CFAP44: variants seen among roughly 807,000 people sequenced by gnomAD.
CFAP44 encodes the protein cilia and flagella associated protein 44, also known as cilia- and flagella-associated protein 44.
CFAP44 carries 134 observed loss-of-function variants against 216.2 expected under a neutral mutation model. The ratio of observed to expected loss-of-function variants is 0.62; its 90% CI spans 0.54 to 0.72. The LOEUF (loss-of-function observed/expected upper bound fraction) is 0.72. Ranked by LOEUF, CFAP44 falls within the 30% of genes least tolerant of loss-of-function variation. The pLI is 0.00. For synonymous variants in CFAP44, 700 were observed against 727.6 expected (o/e 0.96, Z 0.61); for missense variants, 2,035 against 2,182.1 (o/e 0.93, Z 1.34).
rs565036781 is a variant in CFAP44 at position 113,294,862 on chromosome 3, G to A, written c.5239-41C>T. 69 of 1,482,470 alleles carry A rather than the reference G, an allele frequency of 4.7e-5. No homozygotes were observed. The Middle Eastern group carries it at 1.4e-3, about 30-fold the overall frequency. 91.8% of individuals were successfully genotyped at this position (1,482,470 alleles called of 1,614,324 possible). A position where few individuals can be genotyped will look rare whatever the true frequency, so the allele number is the denominator to read the frequency against. ...GATGCAAAATAGATGTAGTGAATAC[G>A]AGAAGAAAGAAAGAAAAATGAGTGT... On this transcript the variant is annotated intron_variant, in intron 33 of 34. Coordinates refer to ENST00000393845, the MANE Select transcript of CFAP44 (RefSeq NM_001164496.2).
chr3:113,316,564 C>A (rs1444145285), intron 28 of CFAP44, among the ~76,000 whole-genome samples: 1 of 152,020 alleles, frequency 6.6e-6, no homozygotes, highest in African/African-American at 2.4e-5. Context: ...AAAAAAGACA[C>A]AAGTTACCAA....
At position 113,327,790 on chromosome 3, in the gene CFAP44, T is replaced by G. The variant is rs776819217; in HGVS notation, c.4146A>C (p.Ala1382=). 1 of 1,536,946 alleles carries G rather than the reference T, an allele frequency of 6.5e-7. No individual in the cohort carries two copies. Among genetic ancestry groups the G allele is most frequent in the Non-Finnish European group, 8.7e-7 (1 of 1,146,690 alleles). ...RIKELVVTFD[A]ELRLLRHQKL... is the part of the protein sequence containing the mutation. The stretch of plus-strand genomic sequence containing the variant: ...TCTGATGTCTAAGGAGACGGAGTTC[T>G]GCATCGAAAGTGACAACCAGTTCTT... Residue 1382 remains alanine (A), a synonymous_variant, in exon 27 of 35, where the codon GCA becomes GCC. Transcript: ENST00000393845.
At chr3:113,403,191 C>G (rs1481990586) in intron 9 of CFAP44, among the ~76,000 whole-genome samples, 1 of 152,108 alleles carries the variant, frequency 6.6e-6, no homozygotes, top group Non-Finnish European at 1.5e-5. Context: ...AAATATCTAC[C>G]AAGAGGACTA....
intron 8 of CFAP44, among the ~76,000 whole-genome samples, chr3:113,405,357 C>G (rs556852736): frequency 5.5e-4 from 83 of 152,286 alleles, no homozygotes; most frequent in Non-Finnish European, 9.0e-4. Flanking sequence ...TGACTCATAT[C>G]TAGCTTCCCT....
chr3:113,371,970 A>G (rs1166602829), intron 18 of CFAP44, among the ~76,000 whole-genome samples: 2 of 152,348 alleles, frequency 1.3e-5, no homozygotes, highest in East Asian at 1.9e-4. Flanking sequence ...AACAGACACA[A>G]TGAAAAAATG....
chr3:113,334,748 G>A (rs1213960117), intron 24 of CFAP44, among the ~76,000 whole-genome samples: 1 of 152,112 alleles, frequency 6.6e-6, no homozygotes, highest in African/African-American at 2.4e-5. Context: ...TTTATATCCA[G>A]ACTAAAATTG....
intron 23 of CFAP44, among the ~76,000 whole-genome samples, chr3:113,343,059 CTTTTTT>C (rs397990837): frequency 1.9e-5 from 2 of 106,772 alleles, no homozygotes; most frequent in African/African-American, 3.7e-5. Flanking sequence ...TTCTTTCTTT[CTTTTTT>C]TTTTTTTTTT....
chr3:113,439,504 G>A (rs1315333578), intron 1 of CFAP44, among the ~76,000 whole-genome samples: 3 of 152,168 alleles, frequency 2.0e-5, no homozygotes, highest in Non-Finnish European at 4.4e-5. Context: ...TAATTATGTA[G>A]TCTTTTTCAT....
chr3:113,313,799 T>C (rs1208959340), intron 28 of CFAP44, among the ~76,000 whole-genome samples: 1 of 152,236 alleles, frequency 6.6e-6, no homozygotes, highest in East Asian at 1.9e-4. Context: ...CCTCCCACCA[T>C]GATTCTGAGG....
At chr3:113,355,048 G>A (rs751329025) in intron 22 of CFAP44, among the ~76,000 whole-genome samples, 11 of 152,074 alleles carry the variant, frequency 7.2e-5, no homozygotes, top group South Asian at 2.1e-4. Flanking sequence ...CCTGGAGCCC[G>A]GTAGCTCTGC....
intron 13 of CFAP44, among the ~76,000 whole-genome samples, chr3:113,398,050 G>A (rs959954750): frequency 5.3e-5 from 8 of 152,130 alleles, no homozygotes; most frequent in African/African-American, 1.9e-4. Context: ...TCAGTTATGA[G>A]AATTTAGGGA....
At chr3:113,329,512 A>G (rs185950712) in intron 26 of CFAP44, among the ~76,000 whole-genome samples, 1 of 152,366 alleles carries the variant, frequency 6.6e-6, no homozygotes, top group Admixed American at 6.5e-5. Flanking sequence ...TACTGAGGGC[A>G]TCACCACAGG....
At chr3:113,297,988 C>T (rs1266349521) in intron 32 of CFAP44, among the ~76,000 whole-genome samples, 2 of 152,198 alleles carry the variant, frequency 1.3e-5, no homozygotes, top group Admixed American at 6.5e-5. Flanking sequence ...TAATGCCCCA[C>T]GGACATGTAT....
intron 22 of CFAP44, among the ~76,000 whole-genome samples, chr3:113,349,233 CT>C (rs1379416496): frequency 6.6e-6 from 1 of 152,172 alleles, no homozygotes; most frequent in African/African-American, 2.4e-5. Context: ...AGAAAATATA[CT>C]CCCCTGTCAG....
At chr3:113,312,888 C>T (rs1950053197) in intron 28 of CFAP44, among the ~76,000 whole-genome samples, 1 of 152,160 alleles carries the variant, frequency 6.6e-6, no homozygotes, top group South Asian at 2.1e-4. Flanking sequence ...TATGGAAATG[C>T]CTGGATACCC....
At chr3:113,392,991 C>T (rs1407050125) in intron 15 of CFAP44, among the ~76,000 whole-genome samples, 1 of 152,162 alleles carries the variant, frequency 6.6e-6, no homozygotes, top group African/African-American at 2.4e-5. Context: ...GTATCTTCTC[C>T]ACACTGCTGC....
intron 1 of CFAP44, among the ~76,000 whole-genome samples, chr3:113,439,565 T>C (rs1260840125): frequency 2.0e-5 from 3 of 152,218 alleles, no homozygotes; most frequent in African/African-American, 7.2e-5. Flanking sequence ...ACACATATAG[T>C]TTACCATGGC....
chr3:113,374,427 T>C (rs1281067550), intron 17 of CFAP44, among the ~76,000 whole-genome samples: 2 of 151,908 alleles, frequency 1.3e-5, no homozygotes, highest in African/African-American at 4.8e-5. Context: ...CCAGGGTACA[T>C]GTGCACACGT....
In CFAP44 at chr3:113,289,117, T is replaced by G. The variant is rs1248745265; in HGVS notation, c.*2440A>C. The G allele has an allele frequency of 6.6e-6, 1 of 152,202 alleles. No individual in the cohort carries two copies. Among genetic ancestry groups the G allele is most frequent in the East Asian group, 1.9e-4 (1 of 5,196 alleles). 9.4% of individuals were successfully genotyped at this position (152,202 alleles called of 1,614,324 possible). A position where few individuals can be genotyped will look rare whatever the true frequency, so the allele number is the denominator to read the frequency against. On this transcript the variant is annotated 3_prime_UTR_variant, in exon 35 of 35. Transcript: ENST00000393845. ...TGCTGGTCTACTTGTGTTTGAAGCT[T>G]AACTTCCCAAAGACTCAGATGCTCT...
Sources: gnomAD v4.1 joint callset for allele counts (sites outside exome capture counted in the v4.1 genomes callset) on GRCh38, gnomAD v4.1.1 for gene constraint, MANE v1.5 for transcripts, NCBI Gene and HGNC (gene_info 2026-07-23, HGNC 2026-07-21) for gene names.